The following EDIL3 variants were observed in gnomAD, a reference collection of about 807,000 sequenced individuals.
The protein encoded by EDIL3 is EGF like and discoidin domains 3.
In EDIL3, 37 loss-of-function variants were observed where a neutral mutation model predicts 67.4. That is an observed-to-expected ratio of 0.55 (90% CI 0.42 to 0.72). The LOEUF (loss-of-function observed/expected upper bound fraction) is 0.72. Ranked by LOEUF, EDIL3 falls within the 30% of genes least tolerant of loss-of-function variation. The pLI is 0.00. For synonymous variants in EDIL3, 195 were observed against 196.3 expected, an observed-to-expected ratio of 0.99 and a Z score of 0.05; for missense variants, 527 against 586.3, an observed-to-expected ratio of 0.90 and a Z score of 1.04.
chr5:83,963,371 A>G lies in EDIL3; in HGVS notation c.1138-11T>C, dbSNP rs767694106. 55 of 1,588,952 alleles carry G rather than the reference A, an allele frequency of 3.5e-5. No homozygotes were observed. The highest frequency in any genetic ancestry group is 4.5e-5 in the Non-Finnish European group (53 of 1,171,522). On this transcript the variant is annotated splice_polypyrimidine_tract_variant and intron_variant, in intron 9 of 10. Transcript: ENST00000296591. ...AACAAGAAGATCCACCTTAAAAAAAAGAAAAATACAGGCTTTAAATGCGAC... is the reference window on the plus strand; with the variant it reads ...AACAAGAAGATCCACCTTAAAAAAAGGAAAAATACAGGCTTTAAATGCGAC...
intron 3 of EDIL3, among the ~76,000 whole-genome samples, chr5:84,204,281 T>C (rs1381214916): frequency 1.3e-5 from 2 of 152,188 alleles, no homozygotes; most frequent in East Asian, 3.8e-4. Flanking sequence ...GTCCACTGCA[T>C]ACCCTCAAAA....
intron 3 of EDIL3, among the ~76,000 whole-genome samples, chr5:84,182,511 A>G (rs1749031665): frequency 6.6e-6 from 1 of 152,008 alleles, no homozygotes; most frequent in East Asian, 1.9e-4. Context: ...GGAAAAAAAA[A>G]ATCACCAGCA....
chr5:84,072,994 A>G (rs1561422355), intron 6 of EDIL3, among the ~76,000 whole-genome samples: 1 of 152,188 alleles, frequency 6.6e-6, no homozygotes, highest in Non-Finnish European at 1.5e-5. Flanking sequence ...TAAAGTTCAC[A>G]GGAAGGTGAC....
intron 3 of EDIL3, among the ~76,000 whole-genome samples, chr5:84,226,142 C>T (rs1430029560): frequency 1.3e-5 from 2 of 151,646 alleles, no homozygotes; most frequent in Middle Eastern, 3.4e-3. Context: ...GCTGAATTAA[C>T]GTACATTTTT....
intron 5 of EDIL3, among the ~76,000 whole-genome samples, chr5:84,136,077 CTG>C (rs1748087263): frequency 1.3e-5 from 2 of 152,072 alleles, no homozygotes; most frequent in Non-Finnish European, 2.9e-5. Flanking sequence ...GTGTCTGTGT[CTG>C]TGATAAAGAA....
intron 9 of EDIL3, among the ~76,000 whole-genome samples, chr5:84,008,883 G>A (rs978356033): frequency 6.6e-6 from 1 of 152,186 alleles, no homozygotes; most frequent in Non-Finnish European, 1.5e-5. Flanking sequence ...TGGGATCTCA[G>A]CTCACTGCAA....
chr5:83,950,132 T>G (rs1378129521), intron 10 of EDIL3, among the ~76,000 whole-genome samples: 1 of 147,630 alleles, frequency 6.8e-6, no homozygotes, highest in East Asian at 1.9e-4. Context: ...CCAAGACAAC[T>G]GAAAGCTCAT....
At chr5:84,296,965 G>A (rs1746063261) in intron 1 of EDIL3, among the ~76,000 whole-genome samples, 1 of 152,034 alleles carries the variant, frequency 6.6e-6, no homozygotes, top group South Asian at 2.1e-4. Context: ...GGCGGATCAC[G>A]AGGTCAGGAG....
At chr5:84,378,933 G>T (rs1486058062) in intron 1 of EDIL3, among the ~76,000 whole-genome samples, 2 of 152,066 alleles carry the variant, frequency 1.3e-5, no homozygotes, top group African/African-American at 4.8e-5. Context: ...CGTTTCAAAG[G>T]TTTGCAATCT....
intron 8 of EDIL3, 102 bp from the exon 9 acceptor site, chr5:84,060,586 T>C: frequency 8.1e-7 from 1 of 1,238,088 alleles, no homozygotes; most frequent in Non-Finnish European, 1.1e-6. Context: ...CATAATGCTA[T>C]TCATTCCTCC....
intron 3 of EDIL3, among the ~76,000 whole-genome samples, chr5:84,208,685 CAAAAAAAAAAAAAAA>C (rs70975546): frequency 1.2e-4 from 7 of 59,410 alleles, no homozygotes; most frequent in Non-Finnish European, 1.7e-4. Context: ...GACTCCGTCT[CAAAAAAAAAAAAAAA>C]AAAAAAAAAA....
At chr5:84,197,645 G>A (rs560269467) in intron 3 of EDIL3, among the ~76,000 whole-genome samples, 1 of 147,012 alleles carries the variant, frequency 6.8e-6, no homozygotes, top group East Asian at 2.0e-4. Flanking sequence ...GTGACAGAGC[G>A]AAACTACATC....
chr5:84,353,422 G>T (rs1442145193), intron 1 of EDIL3, among the ~76,000 whole-genome samples: 1 of 152,084 alleles, frequency 6.6e-6, no homozygotes, highest in African/African-American at 2.4e-5. Context: ...GTAAAATGGG[G>T]TATGTTTGCA....
rs1275818303 is a variant in EDIL3, at chr5:83,947,361, GTC to G, written c.1294-3795_1294-3794del. Among the ~76,000 whole-genome samples, 16 of 84,394 alleles carry G rather than the reference GTC, an allele frequency of 1.9e-4. No individual in the cohort carries two copies. In the East Asian group the frequency reaches 3.7e-3, roughly 20 times the overall value. 55.4% of individuals were successfully genotyped at this position (84,394 alleles called of 152,430 possible). A position where few individuals can be genotyped will look rare whatever the true frequency, so the allele number is the denominator to read the frequency against. ...CCTAGGGCAGCATGTATGTGTCTGT[GTC>G]TGTGTCTGTGTGTGTGTGTGTGTGT... On this transcript the variant is annotated intron_variant, in intron 10 of 10. Transcript: ENST00000296591.
chr5:83,990,879 CAATAAATAAATAAATA>C (rs200045595), intron 9 of EDIL3, among the ~76,000 whole-genome samples: 137 of 140,314 alleles, frequency 9.8e-4, no homozygotes, highest in African/African-American at 1.5e-3. Flanking sequence ...GACTCTGTCT[CAATAAATAAATAAATA>C]AATAAATAAA....
intron 5 of EDIL3, among the ~76,000 whole-genome samples, chr5:84,133,238 C>A (rs1439406260): frequency 6.6e-6 from 1 of 151,984 alleles, no homozygotes; most frequent in Non-Finnish European, 1.5e-5. Flanking sequence ...CTTATCTGTT[C>A]TTATGAGAAT....
At chr5:84,195,487 T>C (rs1743686822) in intron 3 of EDIL3, among the ~76,000 whole-genome samples, 1 of 151,962 alleles carries the variant, frequency 6.6e-6, no homozygotes, top group Admixed American at 6.6e-5. Context: ...GTGACCTAAT[T>C]GAAGTAGGTC....
intron 1 of EDIL3, among the ~76,000 whole-genome samples, chr5:84,348,442 G>A (rs1057184453): frequency 1.3e-5 from 2 of 152,008 alleles, no homozygotes; most frequent in Non-Finnish European, 2.9e-5. Context: ...TTTTCCACCT[G>A]TGCTGTGCAA....
chr5:84,285,199 C>T (rs963555700), intron 1 of EDIL3, among the ~76,000 whole-genome samples: 6 of 152,150 alleles, frequency 3.9e-5, no homozygotes, highest in South Asian at 4.1e-4. Flanking sequence ...CTGAATTGCA[C>T]TATTAATATT....
Sources: allele counts gnomAD v4.1 joint callset (sites outside exome capture counted in the v4.1 genomes callset), GRCh38; gene constraint gnomAD v4.1.1; transcripts MANE v1.5; gene names NCBI Gene and HGNC (gene_info 2026-07-23, HGNC 2026-07-21).